The following PIK3CB variants were observed in gnomAD, a reference collection of about 807,000 sequenced individuals.
PIK3CB encodes the protein phosphatidylinositol-4,5-bisphosphate 3-kinase catalytic subunit beta, also known as phosphatidylinositol 4,5-bisphosphate 3-kinase catalytic subunit beta isoform.
A neutral mutation model predicts 136.8 loss-of-function variants in PIK3CB; 39 were observed. That is an observed-to-expected ratio of 0.29 (90% CI 0.22 to 0.37). The LOEUF (loss-of-function observed/expected upper bound fraction) is 0.37. Among genes scored for constraint, PIK3CB ranks in the 10% least tolerant of loss-of-function variants. PIK3CB has a pLI of 1.00. For missense variants in PIK3CB, 868 were observed against 1,275.4 expected (o/e 0.68, Z 4.87); for synonymous variants, 428 against 436.6 (o/e 0.98, Z 0.25).
chr3:138,806,494 A>T (rs1010893505), intron 1 of PIK3CB, among the ~76,000 whole-genome samples: 2 of 152,164 alleles, frequency 1.3e-5, no homozygotes, highest in Non-Finnish European at 2.9e-5. Context: ...CAAAAAAAAA[A>T]AGATCACTGT....
intron 1 of PIK3CB, among the ~76,000 whole-genome samples, chr3:138,819,295 C>T (rs573240526): frequency 1.1e-4 from 17 of 151,492 alleles, no homozygotes; most frequent in Admixed American, 5.9e-4. Context: ...GGCAGTTAGC[C>T]GAGATTGCGC....
chr3:138,717,692 G>A (rs537915073), intron 8 of PIK3CB, among the ~76,000 whole-genome samples: 4 of 152,104 alleles, frequency 2.6e-5, no homozygotes, highest in Admixed American at 1.3e-4. Flanking sequence ...CCTCCTCCCC[G>A]CTTCACCCTC....
In PIK3CB at chr3:138,811,240, CAAAAAAAAAAAAAA is replaced by C. The variant is rs558228212; in HGVS notation, c.-121-14687_-121-14674del. Among the ~76,000 whole-genome samples, 9 of 23,444 alleles carry C rather than the reference CAAAAAAAAAAAAAA, an allele frequency of 3.8e-4. No individual in the cohort carries two copies. In the East Asian group the frequency reaches 5.2e-3, roughly 13 times the overall value. 15.4% of individuals were successfully genotyped at this position (23,444 alleles called of 152,430 possible). On this transcript the variant is annotated intron_variant, in intron 1 of 23. Transcript: ENST00000674063. Reference sequence around the variant, plus strand: ...CCTGGGTGACAGAGCAAGACTCTGCCAAAAAAAAAAAAAAAAAAAAAAAAAAGTCTAAGACACTG... The same window carrying C: ...CCTGGGTGACAGAGCAAGACTCTGCCAAAAAAAAAAAAGTCTAAGACACTG...
At chr3:138,772,174 T>C (rs1037337642) in intron 2 of PIK3CB, among the ~76,000 whole-genome samples, 5 of 152,056 alleles carry the variant, frequency 3.3e-5, no homozygotes, top group Non-Finnish European at 7.4e-5. Context: ...AATCCAAATA[T>C]AAACTAATAT....
chr3:138,814,801 A>G (rs977858875), intron 1 of PIK3CB, among the ~76,000 whole-genome samples: 2 of 152,046 alleles, frequency 1.3e-5, no homozygotes, highest in Non-Finnish European at 1.5e-5. Flanking sequence ...CAGGAATTCT[A>G]GCCCAGCCTG....
In PIK3CB at chr3:138,691,046, C is replaced by A. The variant is rs764859369; in HGVS notation, c.1990G>T (p.Ala664Ser). 1.2e-6 allele frequency: 2 copies of A among 1,613,254 alleles called. No individual in the cohort carries two copies. The highest frequency in any genetic ancestry group is 1.7e-6 in the Non-Finnish European group (2 of 1,179,274). The change falls in exon 15 of 24, where the codon GCA becomes TCA. Residue 664 changes from alanine (A) to serine (S), a missense_variant. Around this residue, in one of 4 missense-constraint regions of PIK3CB, gnomAD observed 612 missense variants for 801.1 expected, o/e 0.76. Coordinates refer to ENST00000674063, the MANE Select transcript of PIK3CB (RefSeq NM_006219.3). ...CALSRFLLER[A>S]LGNRRIGQFL... ...TGCCCTATCCTCCGATTACCAAGTGCTCTTTCTAATAGGAATCTAGAGAGG... is the reference window on the plus strand; with the variant it reads ...TGCCCTATCCTCCGATTACCAAGTGATCTTTCTAATAGGAATCTAGAGAGG...
Position 138,655,539 on chromosome 3 carries a change from G to T in PIK3CB, c.3076-13C>A. On this transcript the variant is annotated splice_polypyrimidine_tract_variant and intron_variant, in intron 23 of 23. Coordinates refer to ENST00000674063, the MANE Select transcript of PIK3CB (RefSeq NM_006219.3). ...ATGCAAGAGAGTCCTAAAATGGAAG[G>T]GGGAAAATATGATTTTATATAACTT... 1 of 1,600,500 alleles carries T rather than the reference G, an allele frequency of 6.2e-7. No homozygotes were observed. The highest frequency in any genetic ancestry group is 1.1e-5 in the South Asian group (1 of 90,780).
chr3:138,795,107 G>A (rs2046094332), intron 2 of PIK3CB, among the ~76,000 whole-genome samples: 1 of 151,920 alleles, frequency 6.6e-6, no homozygotes, highest in Non-Finnish European at 1.5e-5. Flanking sequence ...ATCACCTGAG[G>A]TCAGGAGTTC....
intron 1 of PIK3CB, among the ~76,000 whole-genome samples, chr3:138,811,196 T>G (rs1289374452): frequency 7.6e-6 from 1 of 131,526 alleles, no homozygotes; most frequent in African/African-American, 3.0e-5. Context: ...TGAGCCGAGA[T>G]TGCACCACTA....
chr3:138,693,963 A>AT (rs1423005921), intron 14 of PIK3CB, among the ~76,000 whole-genome samples: 111 of 35,244 alleles, frequency 3.1e-3, no homozygotes, highest in South Asian at 1.0e-2. Flanking sequence ...ATATATATAT[A>AT]TATTATATAT....
chr3:138,714,644 T>C lies in PIK3CB; in HGVS notation c.1126A>G (p.Lys376Glu), dbSNP rs2044570749. The C allele has an allele frequency of 3.1e-6, 5 of 1,612,926 alleles. No individual in the cohort carries two copies. Among genetic ancestry groups the C allele is most frequent in the Non-Finnish European group, 4.2e-6 (5 of 1,178,932 alleles). ...GGTTCATTCCAAATATGATCATTTT[T>C]CCCTGATACCTCTGAGCTTACGATG... ...KTIVSSEVSG[K>E]NDHIWNEPLE... Residue 376 changes from lysine to glutamate, a missense_variant, in exon 9 of 24, where the codon AAA becomes GAA. Around this residue, in one of 4 missense-constraint regions of PIK3CB, gnomAD observed 612 missense variants for 801.1 expected, o/e 0.76. Transcript: ENST00000674063.
At chr3:138,782,878 T>G (rs2045936867) in intron 2 of PIK3CB, among the ~76,000 whole-genome samples, 1 of 152,244 alleles carries the variant, frequency 6.6e-6, no homozygotes, top group African/African-American at 2.4e-5. Context: ...ATTTTTGGTC[T>G]GTTGACAGCA....
At chr3:138,806,105 G>C (rs1049476467) in intron 1 of PIK3CB, among the ~76,000 whole-genome samples, 2 of 152,076 alleles carry the variant, frequency 1.3e-5, no homozygotes, top group Admixed American at 1.3e-4. Flanking sequence ...CAGAGCAATA[G>C]TTTCTACAAG....
At chr3:138,734,447 T>A (rs2045057856) in intron 7 of PIK3CB, among the ~76,000 whole-genome samples, 187 bp downstream of exon 7, 1 of 152,302 alleles carries the variant, frequency 6.6e-6, no homozygotes, top group Middle Eastern at 3.4e-3. Context: ...TACATTTAAT[T>A]GTGGCTTGAG....
chr3:138,793,165 T>C (rs1420682359), intron 2 of PIK3CB, among the ~76,000 whole-genome samples: 3 of 152,012 alleles, frequency 2.0e-5, no homozygotes, highest in Non-Finnish European at 2.9e-5. Context: ...ATCACTGGAG[T>C]GAACAAGAAC....
At chr3:138,825,709 A>G in intron 1 of PIK3CB, 1 of 665,512 alleles carries the variant, frequency 1.5e-6, no homozygotes. Flanking sequence ...TGTCTACAAA[A>G]CTGGTGATAT....
intron 21 of PIK3CB, among the ~76,000 whole-genome samples, chr3:138,662,680 T>C (rs1577042421): frequency 4.6e-5 from 7 of 151,336 alleles, no homozygotes; most frequent in African/African-American, 1.7e-4. Context: ...CCCTGAGGAA[T>C]CGCCACACTG....
rs1247434022 is a variant in PIK3CB, at chr3:138,694,665, T to C, written c.1892+121A>G. On this transcript the variant is annotated intron_variant, in intron 14 of 23. Coordinates refer to ENST00000674063, the MANE Select transcript of PIK3CB (RefSeq NM_006219.3). ...GAGCTGGCAGGAGTACATGAGCAAA[T>C]GCTTTGAACTGTGAATAATTCTGAG... 3.9e-6 allele frequency: 4 copies of C among 1,024,490 alleles called. No individual in the cohort carries two copies. In the African/African-American group the frequency reaches 6.6e-5, roughly 17 times the overall value. 63.5% of individuals were successfully genotyped at this position (1,024,490 alleles called of 1,614,324 possible). A position where few individuals can be genotyped will look rare whatever the true frequency, so the allele number is the denominator to read the frequency against.
chr3:138,824,320 T>C (rs1260284189), intron 1 of PIK3CB, among the ~76,000 whole-genome samples: 1 of 152,130 alleles, frequency 6.6e-6, no homozygotes, highest in Non-Finnish European at 1.5e-5. Flanking sequence ...GGACCAGGGA[T>C]GCTGTCCTTG....
Sources: allele counts gnomAD v4.1 joint callset (sites outside exome capture counted in the v4.1 genomes callset), GRCh38; gene constraint gnomAD v4.1.1; regional missense constraint gnomAD v4.1.1; transcripts MANE v1.5; gene names NCBI Gene and HGNC (gene_info 2026-07-23, HGNC 2026-07-21).